CNTNAP5: variants seen among roughly 807,000 people sequenced by gnomAD.
CNTNAP5 encodes contactin associated protein family member 5, also known as contactin-associated protein-like 5.
A neutral mutation model predicts 150.2 loss-of-function variants in CNTNAP5; 72 were observed. That is an observed-to-expected ratio of 0.48 (90% CI 0.40 to 0.58). The LOEUF (loss-of-function observed/expected upper bound fraction) is 0.58. Ranked by LOEUF, CNTNAP5 falls within the 20% of genes least tolerant of loss-of-function variation. CNTNAP5 has a pLI of 0.00. For missense variants in CNTNAP5, 1,636 were observed against 1,626.2 expected (o/e 1.01, Z -0.10); for synonymous variants, 672 against 619.8 (o/e 1.08, Z -1.25).
At chr2:124,846,098 G>T (rs1279533557) in intron 19 of CNTNAP5, among the ~76,000 whole-genome samples, 1 of 151,934 alleles carries the variant, frequency 6.6e-6, no homozygotes, top group Admixed American at 6.6e-5. Flanking sequence ...TGTGACCTTA[G>T]ATTGCCTATT....
rs534236370 is a variant in CNTNAP5 at position 124,266,770 on chromosome 2, C to T, written c.381+24377C>T. Reference sequence around the variant, plus strand: ...GGTCTTCAGTGCAGATGGAGTGAAGCCCTAAAACTCAGCCCCGTCAGCCAA... The same window carrying T: ...GGTCTTCAGTGCAGATGGAGTGAAGTCCTAAAACTCAGCCCCGTCAGCCAA... On this transcript the variant is annotated intron_variant, in intron 3 of 23. Coordinates refer to ENST00000682447, the MANE Select transcript of CNTNAP5 (RefSeq NM_001367498.1). Among the ~76,000 whole-genome samples, 6 of 152,220 alleles carry T rather than the reference C, an allele frequency of 3.9e-5. No homozygotes were observed. The South Asian group carries it at 1.2e-3, about 32-fold the overall frequency.
At chr2:124,352,042 G>A (rs1056223680) in intron 3 of CNTNAP5, among the ~76,000 whole-genome samples, 4 of 152,056 alleles carry the variant, frequency 2.6e-5, no homozygotes, top group Admixed American at 6.6e-5. Context: ...TAATAGTGGC[G>A]TGAAGCTATT....
chr2:124,223,931 G>A (rs1280660945), intron 2 of CNTNAP5, among the ~76,000 whole-genome samples: 1 of 151,454 alleles, frequency 6.6e-6, no homozygotes, highest in Non-Finnish European at 1.5e-5. Flanking sequence ...GACTCCCAAG[G>A]GGGACAGCCT....
At chr2:124,847,857 A>G (rs1683080901) in intron 19 of CNTNAP5, among the ~76,000 whole-genome samples, 1 of 152,094 alleles carries the variant, frequency 6.6e-6, no homozygotes, top group Admixed American at 6.6e-5. Context: ...AATAACCTTA[A>G]TGTTTACTTT....
rs555287585 is a variant in CNTNAP5, at chr2:124,880,140, A to G, written c.3436+10378A>G. Among the ~76,000 whole-genome samples the G allele has an allele frequency of 6.6e-4, 100 of 152,296 alleles. 1 individual carries two copies. In the South Asian group the frequency reaches 0.02, roughly 31 times the overall value. Reference sequence around the variant, plus strand: ...ATGATAATAAATTGAGTTTTAAAACAGATTAACATAACGTAAAGCTCACTG... The same window carrying G: ...ATGATAATAAATTGAGTTTTAAAACGGATTAACATAACGTAAAGCTCACTG... On this transcript the variant is annotated intron_variant, in intron 21 of 23. Transcript: ENST00000682447.
At chr2:124,607,118 A>G (rs1295458770) in intron 11 of CNTNAP5, among the ~76,000 whole-genome samples, 1 of 152,160 alleles carries the variant, frequency 6.6e-6, no homozygotes, top group Non-Finnish European at 1.5e-5. Context: ...TCGAGAGTTG[A>G]TTAGCTACCT....
chr2:124,816,419 C>A (rs1181327090), intron 19 of CNTNAP5, among the ~76,000 whole-genome samples: 1 of 151,740 alleles, frequency 6.6e-6, no homozygotes, highest in Non-Finnish European at 1.5e-5. Context: ...CTGTTCCCAC[C>A]TCCCAAAGGC....
chr2:124,173,621 C>T (rs1462115534), intron 1 of CNTNAP5, among the ~76,000 whole-genome samples: 8 of 152,204 alleles, frequency 5.3e-5, no homozygotes, highest in African/African-American at 1.9e-4. Context: ...GGAGAGAAAG[C>T]TTCAGAAGAA....
intron 16 of CNTNAP5, 90 bp from the exon 17 acceptor site, chr2:124,772,709 C>T (rs1573607146): frequency 1.1e-6 from 1 of 925,560 alleles, no homozygotes; most frequent in East Asian, 2.4e-5. Flanking sequence ...TATATTGATA[C>T]TGACTTACAA....
At chr2:124,474,927 G>C (rs766639954) in intron 7 of CNTNAP5, 45 bp downstream of exon 7, 5 of 1,553,436 alleles carry the variant, frequency 3.2e-6, no homozygotes, top group Non-Finnish European at 4.3e-6. Flanking sequence ...CTACCACTTT[G>C]GGGTAAGTCT....
intron 23 of CNTNAP5, among the ~76,000 whole-genome samples, chr2:124,911,998 T>C (rs1678666323): frequency 6.6e-6 from 1 of 152,092 alleles, no homozygotes; most frequent in Non-Finnish European, 1.5e-5. Context: ...CCCACAGAAC[T>C]GTAGTTGCAA....
At chr2:124,568,048 C>T (rs1409677699) in intron 11 of CNTNAP5, among the ~76,000 whole-genome samples, 7 of 152,150 alleles carry the variant, frequency 4.6e-5, no homozygotes, top group Non-Finnish European at 5.9e-5. Flanking sequence ...AGAGAATCTG[C>T]GTGTTGATGC....
chr2:124,674,507 T>C (rs866908133), intron 13 of CNTNAP5, among the ~76,000 whole-genome samples: 9 of 65,652 alleles, frequency 1.4e-4, no homozygotes, highest in Non-Finnish European at 3.4e-4. Flanking sequence ...CTTTCTTTCT[T>C]TCTCTTTCTT....
At chr2:124,143,012 C>A (rs201934231) in intron 1 of CNTNAP5, among the ~76,000 whole-genome samples, 28 of 66,058 alleles carry the variant, frequency 4.2e-4, no homozygotes, top group African/African-American at 1.8e-3. Flanking sequence ...ACTACAAACA[C>A]CTCTACGCAA....
At chr2:124,558,073 C>T (rs1695801113) in intron 10 of CNTNAP5, among the ~76,000 whole-genome samples, 1 of 152,122 alleles carries the variant, frequency 6.6e-6, no homozygotes, top group Non-Finnish European at 1.5e-5. Context: ...TTAAAATGAT[C>T]TGCCTTAGGT....
At chr2:124,205,782 C>T (rs1170582795) in intron 1 of CNTNAP5, among the ~76,000 whole-genome samples, 1 of 152,176 alleles carries the variant, frequency 6.6e-6, no homozygotes, top group African/African-American at 2.4e-5. Context: ...AGAGAGAATT[C>T]TCTTTTTTCC....
In CNTNAP5 at chr2:124,479,894, AG is replaced by A. The variant is rs754393072; in HGVS notation, c.1062+5013del. Among the ~76,000 whole-genome samples the A allele has an allele frequency of 2.0e-5, 3 of 152,204 alleles. No individual in the cohort carries two copies. In the South Asian group the frequency reaches 6.2e-4, roughly 31 times the overall value. ...TCATACATAAAATGAGGGCAAATAT[AG>A]TATCTACTTCAAAGTGTTAGTGTGA... On this transcript the variant is annotated intron_variant, in intron 7 of 23. Transcript: ENST00000682447.
intron 1 of CNTNAP5, among the ~76,000 whole-genome samples, chr2:124,030,551 A>C (rs1168574905): frequency 6.6e-6 from 1 of 152,142 alleles, no homozygotes; most frequent in Non-Finnish European, 1.5e-5. Flanking sequence ...ATATCTGTGG[A>C]AACTTGACAT....
At chr2:124,310,012 T>TCTGCTCTG (rs1350494517) in intron 3 of CNTNAP5, among the ~76,000 whole-genome samples, 2 of 152,000 alleles carry the variant, frequency 1.3e-5, no homozygotes, top group Non-Finnish European at 2.9e-5. Flanking sequence ...ACACAGTCTG[T>TCTGCTCTG]CTGCTCTGGG....
Sources: allele counts gnomAD v4.1 joint callset (sites outside exome capture counted in the v4.1 genomes callset), GRCh38; gene constraint gnomAD v4.1.1; transcripts MANE v1.5; gene names NCBI Gene and HGNC (gene_info 2026-07-23, HGNC 2026-07-21).